Variants in CEP290 observed in about 807,000 individuals in gnomAD.
CEP290 encodes the protein centrosomal protein 290.
A neutral mutation model predicts 344.9 loss-of-function variants in CEP290; 317 were observed. That is an observed-to-expected ratio of 0.92 (90% CI 0.84 to 1.01). The LOEUF (loss-of-function observed/expected upper bound fraction) is 1.01, where lower values mean the gene tolerates loss of function less well. CEP290 is among the 50% of genes least tolerant of loss of function. CEP290 has a pLI of 0.00. For synonymous variants in CEP290, 932 were observed against 895.8 expected, an observed-to-expected ratio of 1.04 and a Z score of -0.72; for missense variants, 2,754 against 2,761.4, an observed-to-expected ratio of 1.00 and a Z score of 0.06.
intron 26 of CEP290, among the ~76,000 whole-genome samples, chr12:88,100,963 G>A (rs1192683671): frequency 6.6e-6 from 1 of 152,068 alleles, no homozygotes; most frequent in Admixed American, 6.5e-5. Context: ...AGGTAAGTAG[G>A]GGACTTGACT....
chr12:88,088,990 G>A lies in CEP290; in HGVS notation c.4029+42C>T, dbSNP rs373488225. Reference sequence around the variant, plus strand: ...AACTCCAGCCTGGGAAACAGATCAAGATACTGTCTCTTAAAAAAAAAAATC... The same window carrying A: ...AACTCCAGCCTGGGAAACAGATCAAAATACTGTCTCTTAAAAAAAAAAATC... On this transcript the variant is annotated intron_variant, in intron 31 of 53. Transcript: ENST00000552810. 3.3e-5 allele frequency: 46 copies of A among 1,386,640 alleles called. No individual in the cohort carries two copies. In the African/African-American group the frequency reaches 6.1e-4, roughly 18 times the overall value. The allele number at this position is 1,386,640 out of a possible 1,614,324, so 85.9% of individuals were successfully genotyped here.
chr12:88,118,438 A>C, intron 17 of CEP290, 45 bp downstream of exon 17: 2 of 1,412,218 alleles, frequency 1.4e-6, no homozygotes, highest in Non-Finnish European at 1.9e-6. Context: ...CAGACAACTC[A>C]CTTATCAATA....
At position 88,049,227 on chromosome 12, in the gene CEP290, A is replaced by T. The variant is rs1159836808; in HGVS notation, c.7397T>A (p.Phe2466Tyr). ...LTSPVAASEE[F>Y]EDEEESPVNF... ...AACAGGACTTTCTTCTTCATCTTCA[A>T]ACTCTTCAGAAGCAGCAACAGGGCT... is the stretch of plus-strand genomic sequence containing the variant. The change falls in exon 54 of 54, where the codon TTT becomes TAT. Residue 2466 changes from phenylalanine (F) to tyrosine (Y), a missense_variant. By Grantham distance (22) the Phe-to-Tyr change is conservative. Transcript: ENST00000552810. The T allele has an allele frequency of 8.1e-6, 13 of 1,604,488 alleles. No homozygotes were observed. In the Middle Eastern group the frequency reaches 6.7e-4, roughly 82 times the overall value.
chr12:88,111,734 G>T lies in CEP290; in HGVS notation c.2177C>A (p.Ala726Asp). The T allele has an allele frequency of 6.2e-7, 1 of 1,600,374 alleles. No individual in the cohort carries two copies. Among genetic ancestry groups the T allele is most frequent in the Non-Finnish European group, 8.5e-7 (1 of 1,174,948 alleles). ...TGCCAACTGCTGTGAATAATTTATAGCCTCTTTCCGAGATTCCCTGAGCTC... is the reference window on the plus strand; with the variant it reads ...TGCCAACTGCTGTGAATAATTTATATCCTCTTTCCGAGATTCCCTGAGCTC... ...RQELRESRKEAINYSQQLAKA... is the reference protein window; with the variant it reads ...RQELRESRKEDINYSQQLAKA... The change falls in exon 21 of 54, where the codon GCT (alanine) becomes GAT (aspartate). Residue 726 changes from alanine (A) to aspartate (D), a missense_variant. Transcript: ENST00000552810.
intron 10 of CEP290, 92 bp downstream of exon 10, chr12:88,129,602 C>T (rs1194691557): frequency 8.4e-6 from 6 of 717,612 alleles, no homozygotes; most frequent in African/African-American, 1.9e-5. Context: ...CAAAAATTCA[C>T]ATCCTAGAAA....
Position 88,084,807 on chromosome 12 carries a change from T to C in CEP290, c.4483A>G (p.Ile1495Val). The C allele has an allele frequency of 1.2e-6, 2 of 1,608,166 alleles. No individual in the cohort carries two copies. Among genetic ancestry groups the C allele is most frequent in the Non-Finnish European group, 1.7e-6 (2 of 1,177,664 alleles). Residue 1495 changes from isoleucine (I) to valine (V), a missense_variant, in exon 35 of 54, where the codon ATA becomes GTA. Transcript: ENST00000552810. ...ESALRLAEQN[I>V]LSRDKVINEL... ...TTGATTACTTTGTCTCTTGACAGTA[T>C]ATTTTGTTCTGCTAACCTTAAAGCA...
intron 39 of CEP290, among the ~76,000 whole-genome samples, chr12:88,078,882 T>C (rs1456911873): frequency 2.0e-5 from 3 of 152,164 alleles, no homozygotes; most frequent in Non-Finnish European, 4.4e-5. Flanking sequence ...CATAATGGCC[T>C]ATCCTTTCCT....
chr12:88,115,461 T>G, intron 18 of CEP290: 1 of 1,299,068 alleles, frequency 7.7e-7, no homozygotes, highest in Non-Finnish European at 1.0e-6. Flanking sequence ...TCTTTTAATG[T>G]TCTGCCTTTA....
At chr12:88,068,735 T>G (rs578237214) in intron 43 of CEP290, 90 bp from the exon 44 acceptor site, 60 of 1,323,314 alleles carry the variant, frequency 4.5e-5, no homozygotes, top group Admixed American at 2.4e-4. Context: ...AAAAGAAAAG[T>G]TCAGTGTGTT....
At chr12:88,122,998 T>A (rs1432288883) in intron 13 of CEP290, among the ~76,000 whole-genome samples, 1 of 152,066 alleles carries the variant, frequency 6.6e-6, no homozygotes, top group Admixed American at 6.6e-5. Flanking sequence ...AGTTTAGAAC[T>A]TCCACAAATT....
chr12:88,086,481 T>A lies in CEP290; in HGVS notation c.4212A>T (p.Gln1404His). The A allele has an allele frequency of 6.3e-7, 1 of 1,594,384 alleles. No individual in the cohort carries two copies. Residue 1404 changes from glutamine (Q) to histidine (H), a missense_variant, in exon 33 of 54, where the codon CAA becomes CAT. Coordinates refer to ENST00000552810, the MANE Select transcript of CEP290 (RefSeq NM_025114.4). ...VQQNKFHEER[Q>H]MAWDQREVDL... ...CAACTTCTCTTTGATCCCAGGCCAT[T>A]TGTCTTTCTTCATGAAACTAAAAAA...
chr12:88,111,596 C>A (rs2137718687), intron 21 of CEP290, 98 bp downstream of exon 21: 6 of 1,011,072 alleles, frequency 5.9e-6, no homozygotes, highest in Non-Finnish European at 7.0e-6. Context: ...ATTCAAGGGG[C>A]ATTTTCTCAT....
At chr12:88,054,553 AC>A (rs2033848744) in intron 50 of CEP290, 140 bp from the exon 51 acceptor site, 3 of 634,036 alleles carry the variant, frequency 4.7e-6, no homozygotes, top group Non-Finnish European at 8.2e-6. Context: ...TGTTCTATTC[AC>A]CATTCATTCA....
intron 26 of CEP290, among the ~76,000 whole-genome samples, chr12:88,097,594 TACACACACACACACATACACACACAC>T (rs1461625552): frequency 8.4e-6 from 1 of 118,674 alleles, no homozygotes; most frequent in African/African-American, 3.0e-5. Flanking sequence ...CATATATATA[TACACACACACACACATACACACACAC>T]ACACACACAC....
intron 11 of CEP290, among the ~76,000 whole-genome samples, chr12:88,127,594 TA>T (rs1239079840): frequency 2.6e-5 from 4 of 151,872 alleles, no homozygotes; most frequent in African/African-American, 9.7e-5. Flanking sequence ...CAAAAGTCAT[TA>T]AAAAATAATA....
intron 39 of CEP290, 72 bp from the exon 40 acceptor site, chr12:88,077,990 A>T: frequency 1.5e-6 from 1 of 651,770 alleles, no homozygotes; most frequent in Non-Finnish European, 2.5e-6. Context: ...AACATAAAAC[A>T]GAAAATATAC....
rs559951784 is a variant in CEP290 at position 88,070,141 on chromosome 12, G to A, written c.6011+1153C>T. Among the ~76,000 whole-genome samples, 4 of 152,268 alleles carry A rather than the reference G, an allele frequency of 2.6e-5. No homozygotes were observed. In the South Asian group the frequency reaches 6.2e-4, roughly 24 times the overall value. On this transcript the variant is annotated intron_variant, in intron 43 of 53. Transcript: ENST00000552810. ...AGGCTCTGCTAAGAAATGACATGGGGTGATGCAGGGCAAGGGCATCTGGTT... is the reference window on the plus strand; with the variant it reads ...AGGCTCTGCTAAGAAATGACATGGGATGATGCAGGGCAAGGGCATCTGGTT...
chr12:88,078,620 AAC>A (rs2035960295), intron 39 of CEP290, among the ~76,000 whole-genome samples: 1 of 152,086 alleles, frequency 6.6e-6, no homozygotes, highest in African/African-American at 2.4e-5. Flanking sequence ...CATTTGTCTA[AAC>A]ACACAGAGTG....
At position 88,093,595 on chromosome 12, in the gene CEP290, G is replaced by T. The variant is rs948987098; in HGVS notation, c.3309+175C>A. 5.7e-6 allele frequency: 3 copies of T among 522,716 alleles called. No individual in the cohort carries two copies. In the African/African-American group the frequency reaches 5.8e-5, roughly 10 times the overall value. 32.4% of individuals were successfully genotyped at this position (522,716 alleles called of 1,614,324 possible). ...GTGAGAAAAACTTACAGAAATATCT[G>T]CTTTCCTTTTAAACAATTCAGATTT... On this transcript the variant is annotated intron_variant, in intron 28 of 53. Transcript: ENST00000552810.
Sources: allele counts gnomAD v4.1 joint callset (sites outside exome capture counted in the v4.1 genomes callset), GRCh38; gene constraint gnomAD v4.1.1; transcripts MANE v1.5; gene names NCBI Gene and HGNC (gene_info 2026-07-23, HGNC 2026-07-21).